The following DRC8 variants were observed in gnomAD, a reference collection of about 807,000 sequenced individuals.
DRC8 encodes the protein dynein regulatory complex subunit 8, also known as dynein regulatory complex protein 8.
At chr1:245,001,244 G>A in the DRC8 span, among the ~76,000 whole-genome samples, 1 of 152,064 alleles carries the variant, frequency 6.6e-6, no homozygotes, top group Non-Finnish European at 1.5e-5. Flanking sequence ...CAATACGTAG[G>A]GAAAATAGTT....
the DRC8 span, chr1:245,091,533 C>T: frequency 1.3e-5 from 2 of 152,218 alleles, no homozygotes; most frequent in African/African-American, 2.4e-5. Flanking sequence ...AAGCTTGCGT[C>T]GAGATTGCCT....
the DRC8 span, among the ~76,000 whole-genome samples, chr1:245,058,038 T>C: frequency 6.6e-6 from 1 of 152,096 alleles, no homozygotes; most frequent in Non-Finnish European, 1.5e-5. Flanking sequence ...GAATGTGCGA[T>C]TTGTGTTGCC....
chr1:245,009,470 A>ATTT, the DRC8 span, among the ~76,000 whole-genome samples: 122 of 139,722 alleles, frequency 8.7e-4, no homozygotes, highest in South Asian at 0.011. Flanking sequence ...AATCCAAACG[A>ATTT]TTTTTTTTTT....
the DRC8 span, among the ~76,000 whole-genome samples, chr1:245,046,595 A>G: frequency 6.6e-6 from 1 of 152,206 alleles, no homozygotes; most frequent in African/African-American, 2.4e-5. Context: ...GCATAGGATC[A>G]TTCGGTCATT....
the DRC8 span, among the ~76,000 whole-genome samples, chr1:245,112,285 G>C: frequency 6.6e-6 from 1 of 152,172 alleles, no homozygotes; most frequent in Admixed American, 6.5e-5. Context: ...TGTTGGTCAG[G>C]CTGGTCTTGA....
chr1:245,098,650 C>T, the DRC8 span, among the ~76,000 whole-genome samples: 1 of 152,140 alleles, frequency 6.6e-6, no homozygotes, highest in African/African-American at 2.4e-5. Flanking sequence ...AGTGGTAGCG[C>T]CGCGTTTTTC....
chr1:244,999,947 T>C, the DRC8 span, among the ~76,000 whole-genome samples: 3 of 152,254 alleles, frequency 2.0e-5, no homozygotes, highest in East Asian at 3.9e-4. Context: ...GCCTCCTGAG[T>C]AGCTGGGACT....
chr1:245,067,290 G>A, the DRC8 span, among the ~76,000 whole-genome samples: 1 of 151,968 alleles, frequency 6.6e-6, no homozygotes, highest in South Asian at 2.1e-4. Flanking sequence ...ACATGACCAC[G>A]CCTGGCCCAA....
At chr1:245,055,326 G>T in the DRC8 span, among the ~76,000 whole-genome samples, 1 of 151,802 alleles carries the variant, frequency 6.6e-6, no homozygotes, top group Admixed American at 6.6e-5. Flanking sequence ...ACATTTATTG[G>T]TATTTCTTTT....
the DRC8 span, among the ~76,000 whole-genome samples, chr1:244,996,513 C>T: frequency 1.3e-5 from 2 of 152,142 alleles, no homozygotes; most frequent in East Asian, 1.9e-4. Flanking sequence ...TGAAGAATTT[C>T]GTAGCCTACT....
the DRC8 span, among the ~76,000 whole-genome samples, chr1:245,067,383 G>C: frequency 6.6e-6 from 1 of 151,986 alleles, no homozygotes; most frequent in African/African-American, 2.4e-5. Context: ...AAATGTTACA[G>C]TTTTTTTTAT....
the DRC8 span, among the ~76,000 whole-genome samples, chr1:244,980,802 T>C: frequency 6.6e-6 from 1 of 152,192 alleles, no homozygotes; most frequent in East Asian, 1.9e-4. Context: ...ATGAGAATGA[T>C]GTGTGTTGGA....
chr1:244,987,392 A>G, the DRC8 span, among the ~76,000 whole-genome samples: 2 of 151,974 alleles, frequency 1.3e-5, no homozygotes, highest in East Asian at 1.9e-4. Context: ...TTTAGTAGAC[A>G]TGGGGTTTCA....
At chr1:245,087,523 C>G in the DRC8 span, 3 of 1,347,348 alleles carry the variant, frequency 2.2e-6, no homozygotes, top group South Asian at 1.9e-5. Context: ...CACTTTAAAC[C>G]AAATTTAGTA....
the DRC8 span, among the ~76,000 whole-genome samples, chr1:245,065,963 A>G: frequency 6.6e-6 from 1 of 151,822 alleles, no homozygotes; most frequent in African/African-American, 2.4e-5. Context: ...TTTCAAACAT[A>G]TTTTACCCTA....
At chr1:245,063,248 T>G in the DRC8 span, among the ~76,000 whole-genome samples, 3 of 152,084 alleles carry the variant, frequency 2.0e-5, no homozygotes, top group Non-Finnish European at 2.9e-5. Context: ...GGTCTCACCC[T>G]CGCAGCAAGG....
the DRC8 span, among the ~76,000 whole-genome samples, chr1:245,108,983 G>A: frequency 6.6e-6 from 1 of 152,168 alleles, no homozygotes. Context: ...TGGTGTAGTT[G>A]TTGTATTTGG....
chr1:245,020,319 G>A, the DRC8 span, among the ~76,000 whole-genome samples: 1 of 152,174 alleles, frequency 6.6e-6, no homozygotes, highest in African/African-American at 2.4e-5. Flanking sequence ...AAAGCATTAT[G>A]AGCTGGGCTC....
At chr1:245,106,694 A>G in the DRC8 span, among the ~76,000 whole-genome samples, 3 of 152,242 alleles carry the variant, frequency 2.0e-5, no homozygotes, top group Admixed American at 6.5e-5. Context: ...TTCTGCAGGA[A>G]TAACCAGGAT....
Sources: allele counts gnomAD v4.1 joint callset (sites outside exome capture counted in the v4.1 genomes callset), GRCh38; gene constraint gnomAD v4.1.1; transcripts MANE v1.5; gene names NCBI Gene and HGNC (gene_info 2026-07-23, HGNC 2026-07-21).